Variants in TJP2 observed in about 807,000 individuals in gnomAD.
TJP2 encodes Friedreich ataxia region gene X104 (tight junction protein ZO-2).
In TJP2, 91 loss-of-function variants were observed where a neutral mutation model predicts 133.1. The ratio of observed to expected loss-of-function variants is 0.68; its 90% CI spans 0.58 to 0.81. The LOEUF (loss-of-function observed/expected upper bound fraction) is 0.81. TJP2 is among the 40% of genes least tolerant of loss of function. The pLI is 0.00. For missense variants in TJP2, 1,541 were observed against 1,565.6 expected (o/e 0.98, Z 0.26); for synonymous variants, 592 against 583.4 (o/e 1.01, Z -0.21).
intron 5 of TJP2, among the ~76,000 whole-genome samples, chr9:69,224,714 A>C (rs1256775103): frequency 6.6e-6 from 1 of 152,200 alleles, no homozygotes; most frequent in Admixed American, 6.5e-5. Context: ...ATTTTATAGC[A>C]AATAAACATA....
rs1013869314 is a variant in TJP2 at position 69,251,338 on chromosome 9, G to C, written c.3295G>C (p.Glu1099Gln). Residue 1099 changes from glutamate (E) to glutamine (Q), a missense_variant, in exon 21 of 23, where the codon GAG becomes CAG. Physicochemically the swap from Glu to Gln is conservative, Grantham distance 29. Transcript: ENST00000377245. The part of the protein sequence containing the change: ...DHKARLQRMQ[E>Q]LQEAQNARIE... ...CAAGGCCAGGTTACAGAGAATGCAG[G>C]AGCTCCAGGAAGCACAGAATGCAAG... 16 of 1,613,916 alleles carry C rather than the reference G, an allele frequency of 9.9e-6. No homozygotes were observed. The highest frequency in any genetic ancestry group is 1.4e-5 in the Non-Finnish European group (16 of 1,180,042).
chr9:69,179,032 T>G (rs1030016475), intron 1 of TJP2, among the ~76,000 whole-genome samples: 23 of 152,178 alleles, frequency 1.5e-4, no homozygotes, highest in African/African-American at 5.5e-4. Context: ...TAACAAGGAT[T>G]TTCGTAGGAA....
At chr9:69,179,870 A>G (rs1825371908) in intron 1 of TJP2, among the ~76,000 whole-genome samples, 1 of 152,184 alleles carries the variant, frequency 6.6e-6, no homozygotes, top group Admixed American at 6.5e-5. Context: ...TGACCAAAAG[A>G]TTTCGAATCA....
rs761129648 is a variant in TJP2 at position 69,220,956 on chromosome 9, C to T, written c.412C>T (p.Arg138Trp). 15 of 1,612,680 alleles carry T rather than the reference C, an allele frequency of 9.3e-6. No homozygotes were observed. The highest frequency in any genetic ancestry group is 1.1e-5 in the South Asian group (1 of 90,972). The change falls in exon 5 of 23, where the codon CGG (arginine) becomes TGG (tryptophan). Residue 138 changes from arginine (R) to tryptophan (W), a missense_variant. Arg to Trp is a moderately radical substitution (Grantham distance 101). Coordinates refer to ENST00000377245, the MANE Select transcript of TJP2 (RefSeq NM_004817.4). ...CAGCCCTCCCCTGGATCAGGATGAC[C>T]GGGCTTTTGAGGTGATGGACGAGTT... ...QASPPLDQDD[R>W]AFEVMDEFDG...
intron 16 of TJP2, among the ~76,000 whole-genome samples, chr9:69,239,242 C>T (rs895676945): frequency 2.0e-4 from 30 of 152,116 alleles, no homozygotes; most frequent in African/African-American, 7.0e-4. Flanking sequence ...GGAAACCAGT[C>T]ACTGTTGGCA....
intron 2 of TJP2, among the ~76,000 whole-genome samples, chr9:69,167,112 A>G (rs1347101205): frequency 6.6e-6 from 1 of 151,432 alleles, no homozygotes. Flanking sequence ...GTGGTGGCAC[A>G]TGTTTGTAAT....
At chr9:69,181,426 C>T (rs1825502779) in intron 1 of TJP2, among the ~76,000 whole-genome samples, 1 of 151,782 alleles carries the variant, frequency 6.6e-6, no homozygotes, top group Admixed American at 6.6e-5. Context: ...TTTTTTGTAT[C>T]TTTGGTAGAG....
chr9:69,208,338 G>A (rs1046121687), intron 1 of TJP2, among the ~76,000 whole-genome samples: 5 of 152,052 alleles, frequency 3.3e-5, no homozygotes, highest in Admixed American at 1.3e-4. Context: ...AAGAAGCCTC[G>A]CAATCTGATT....
intron 14 of TJP2, 114 bp downstream of exon 14, chr9:69,237,250 G>T: frequency 7.9e-7 from 1 of 1,269,264 alleles, no homozygotes; most frequent in African/African-American, 1.5e-5. Flanking sequence ...TATGCCAAAG[G>T]CAGTTTATAG....
At chr9:69,134,635 G>A (rs6560590) in intron 1 of TJP2, among the ~76,000 whole-genome samples, 82,555 of 152,028 alleles carry the variant, frequency 0.54, 22,793 homozygotes, top group East Asian at 0.85. Flanking sequence ...AGACAAACTG[G>A]GTTCGAGGAA....
chr9:69,210,299 C>CAAAAA (rs3067182), intron 1 of TJP2, among the ~76,000 whole-genome samples: 3 of 28,668 alleles, frequency 1.0e-4, no homozygotes, highest in Admixed American at 6.3e-4. Context: ...CCCCCCCCCC[C>CAAAAA]AAAAAAAAAA....
chr9:69,179,641 A>G (rs1341565219), intron 1 of TJP2, among the ~76,000 whole-genome samples: 1 of 151,392 alleles, frequency 6.6e-6, no homozygotes, highest in African/African-American at 2.4e-5. Flanking sequence ...CTGGGACTAC[A>G]GGCGCCCGCC....
intron 5 of TJP2, among the ~76,000 whole-genome samples, chr9:69,224,781 C>T (rs1829206968): frequency 6.6e-6 from 1 of 152,002 alleles, no homozygotes; most frequent in Admixed American, 6.6e-5. Context: ...CTTTTTCCTC[C>T]TCCTTTTTTT....
At chr9:69,219,979 C>T (rs1247498198) in intron 4 of TJP2, among the ~76,000 whole-genome samples, 1 of 151,964 alleles carries the variant, frequency 6.6e-6, no homozygotes, top group Non-Finnish European at 1.5e-5. Context: ...GGTGAAACCC[C>T]GTCTCTACTA....
intron 1 of TJP2, among the ~76,000 whole-genome samples, chr9:69,192,588 T>A (rs1462769337): frequency 6.6e-6 from 1 of 152,250 alleles, no homozygotes; most frequent in African/African-American, 2.4e-5. Flanking sequence ...GGTTTGTTGC[T>A]CTCCTTCAGA....
At chr9:69,138,521 C>T (rs926023757) in intron 1 of TJP2, among the ~76,000 whole-genome samples, 6 of 151,246 alleles carry the variant, frequency 4.0e-5, no homozygotes, top group African/African-American at 9.7e-5. Context: ...AATCCCAGCA[C>T]TTTGGGAGGC....
chr9:69,195,373 A>G (rs1826479721), intron 1 of TJP2, among the ~76,000 whole-genome samples: 1 of 151,798 alleles, frequency 6.6e-6, no homozygotes, highest in Admixed American at 6.6e-5. Flanking sequence ...AGCTTAGTGT[A>G]TCAGAACTAG....
intron 1 of TJP2, among the ~76,000 whole-genome samples, chr9:69,130,672 A>C (rs938727529): frequency 2.6e-5 from 4 of 152,190 alleles, no homozygotes; most frequent in Non-Finnish European, 5.9e-5. Context: ...CTGTGTGTGC[A>C]GGGGCTTGGT....
upstream of TJP2, among the ~76,000 whole-genome samples, chr9:69,173,310 T>TA (rs1824790710): frequency 6.6e-6 from 1 of 152,242 alleles, no homozygotes. Flanking sequence ...TTTTAATCGG[T>TA]ACCTGTTTGG....
Sources: gnomAD v4.1 joint callset for allele counts (sites outside exome capture counted in the v4.1 genomes callset) on GRCh38, gnomAD v4.1.1 for gene constraint, MANE v1.5 for transcripts, NCBI Gene and HGNC (gene_info 2026-07-23, HGNC 2026-07-21) for gene names.